XKR7: variants seen among roughly 807,000 people sequenced by gnomAD.
XKR7 encodes XK-related protein 7.
Under a neutral mutation model 42.2 loss-of-function variants are expected in XKR7, and 11 were observed. The observed-to-expected ratio is 0.26, with a 90% CI of 0.16 to 0.43. The LOEUF (loss-of-function observed/expected upper bound fraction) is 0.43, where lower values mean the gene tolerates loss of function less well. Ranked by LOEUF, XKR7 falls within the 20% of genes least tolerant of loss-of-function variation. XKR7 has a pLI of 1.00. For missense variants in XKR7, 710 were observed against 802.2 expected (o/e 0.89, Z 1.39); for synonymous variants, 346 against 366.4 (o/e 0.94, Z 0.64).
chr20:31,995,040 G>A lies in XKR7; in HGVS notation c.585-28G>A, dbSNP rs1261454272. Reference sequence around the variant, plus strand: ...CAGAGCGAGAGGAACCAGCGCGCGGGAGCCTGAGCACCGCGTCCTTCCCGC... The same window carrying A: ...CAGAGCGAGAGGAACCAGCGCGCGGAAGCCTGAGCACCGCGTCCTTCCCGC... On this transcript the variant is annotated intron_variant, in intron 1 of 2. Transcript: ENST00000562532. This position sits in a 1 kb window ranked among gnomAD's most constrained non-coding sequence, Gnocchi z 4.1. The A allele has an allele frequency of 1.9e-6, 3 of 1,539,712 alleles. No homozygotes were observed. The highest frequency in any genetic ancestry group is 2.6e-6 in the Non-Finnish European group (3 of 1,145,224).
At chr20:31,989,501 C>T (rs2064559492) in intron 1 of XKR7, among the ~76,000 whole-genome samples, 1 of 143,408 alleles carries the variant, frequency 7.0e-6, no homozygotes, top group Non-Finnish European at 1.5e-5. Flanking sequence ...GGAGAATGGA[C>T]TGTAGGGAGG....
intron 1 of XKR7, among the ~76,000 whole-genome samples, chr20:31,975,271 TC>T (rs920804055): frequency 2.6e-5 from 4 of 151,622 alleles, no homozygotes; most frequent in African/African-American, 9.7e-5. Context: ...GAGCGATGGC[TC>T]CCCTATGTCC....
rs1176387133 is a variant in XKR7 at position 32,000,779 on chromosome 20, A to C, written c.*3322A>C. On this transcript the variant is annotated 3_prime_UTR_variant, in exon 3 of 3. Transcript: ENST00000562532. ...CCCCAAACCTCTGCAGGCACCACACACACCCACATCACGGCGCCTCCTGGC... is the reference window on the plus strand; with the variant it reads ...CCCCAAACCTCTGCAGGCACCACACCCACCCACATCACGGCGCCTCCTGGC... The C allele has an allele frequency of 6.6e-6, 1 of 152,576 alleles. No individual in the cohort carries two copies. Among genetic ancestry groups the C allele is most frequent in the Non-Finnish European group, 1.5e-5 (1 of 68,346 alleles). 9.5% of individuals were successfully genotyped at this position (152,576 alleles called of 1,614,324 possible). A position where few individuals can be genotyped will look rare whatever the true frequency, so the allele number is the denominator to read the frequency against.
chr20:31,995,366 C>T lies in XKR7; in HGVS notation c.787+96C>T. On this transcript the variant is annotated intron_variant, in intron 2 of 2. Coordinates refer to ENST00000562532, the MANE Select transcript of XKR7 (RefSeq NM_001011718.2). This position sits in a 1 kb window ranked among gnomAD's most constrained non-coding sequence, Gnocchi z 4.1. The stretch of plus-strand genomic sequence containing the variant: ...TGGGGATGCCCTGTGGGCTTCCCCA[C>T]CCCAGCTCAGGGCTCACTCAGTCAG... 6.6e-7 allele frequency: 1 copy of T among 1,509,900 alleles called. No individual in the cohort carries two copies. Among genetic ancestry groups the T allele is most frequent in the Non-Finnish European group, 8.8e-7 (1 of 1,135,194 alleles). The allele number at this position is 1,509,900 out of a possible 1,614,324, so 93.5% of individuals were successfully genotyped here. A position where few individuals can be genotyped will look rare whatever the true frequency, so the allele number is the denominator to read the frequency against.
chr20:31,974,658 T>A (rs1168400085), intron 1 of XKR7, among the ~76,000 whole-genome samples: 1 of 152,222 alleles, frequency 6.6e-6, no homozygotes, highest in African/African-American at 2.4e-5. Flanking sequence ...AGGTCAGGGG[T>A]TGGATTCCAT....
Position 31,968,155 on chromosome 20 carries a change from C to CCCG in XKR7, c.-18_-16dup, listed in dbSNP as rs1208349634. On this transcript the variant is annotated 5_prime_UTR_variant, in exon 1 of 3. Coordinates refer to ENST00000562532, the MANE Select transcript of XKR7 (RefSeq NM_001011718.2). The surrounding 1 kb of genome is among the most constrained non-coding windows in gnomAD (Gnocchi z 4.5). ...CCCCTCCGCCGCCCGGAAGTCGCTC[C>CCCG]CCGCCTCCCTCTCCGCCAACATGGC... 1 of 1,170,936 alleles carries CCCG rather than the reference C, an allele frequency of 8.5e-7. No individual in the cohort carries two copies. The highest frequency in any genetic ancestry group is 1.1e-6 in the Non-Finnish European group (1 of 948,178). The allele number at this position is 1,170,936 out of a possible 1,614,324, so 72.5% of individuals were successfully genotyped here.
chr20:31,980,337 G>A lies in XKR7; in HGVS notation c.584+11578G>A, dbSNP rs201869103. Among the ~76,000 whole-genome samples, 27 of 152,314 alleles carry A rather than the reference G, an allele frequency of 1.8e-4. No homozygotes were observed. The East Asian group carries it at 3.1e-3, about 17-fold the overall frequency. ...TTCTTGCAGGAGCACTCAACGTTAAGGGGTAGGCAGATGGGGAGGGGGCCT... is the reference window on the plus strand; with the variant it reads ...TTCTTGCAGGAGCACTCAACGTTAAAGGGTAGGCAGATGGGGAGGGGGCCT... On this transcript the variant is annotated intron_variant, in intron 1 of 2. Coordinates refer to ENST00000562532, the MANE Select transcript of XKR7 (RefSeq NM_001011718.2).
chr20:31,971,466 A>G (rs2064465403), intron 1 of XKR7, among the ~76,000 whole-genome samples: 1 of 152,208 alleles, frequency 6.6e-6, no homozygotes, highest in African/African-American at 2.4e-5. Flanking sequence ...AAGGGCCTGG[A>G]TAAATGGAGG....
chr20:31,977,972 T>A (rs2064493229), intron 1 of XKR7, among the ~76,000 whole-genome samples: 1 of 152,190 alleles, frequency 6.6e-6, no homozygotes, highest in Non-Finnish European at 1.5e-5. Flanking sequence ...AGCTCTATCC[T>A]TGGGACTTTA....
chr20:31,987,095 A>G (rs1253141152), intron 1 of XKR7, among the ~76,000 whole-genome samples: 1 of 150,368 alleles, frequency 6.7e-6, no homozygotes, highest in African/African-American at 2.5e-5. Context: ...GCACAGACAG[A>G]CCACCAAGTA....
At position 31,997,640 on chromosome 20, in the gene XKR7, G is replaced by A. The variant is rs1344726438; in HGVS notation, c.*183G>A. ...AGCCTTGCGGAGGCCCCAGCCCTGG[G>A]CCCCGTTTTCAGCCTTGTGGCCCAT... On this transcript the variant is annotated 3_prime_UTR_variant, in exon 3 of 3. Transcript: ENST00000562532. 2.6e-5 allele frequency: 16 copies of A among 615,164 alleles called. No homozygotes were observed. Among genetic ancestry groups the A allele is most frequent in the South Asian group, 4.4e-5 (2 of 45,864 alleles). The allele number at this position is 615,164 out of a possible 1,614,324, so 38.1% of individuals were successfully genotyped here.
chr20:31,982,744 A>C (rs1432280701), intron 1 of XKR7, among the ~76,000 whole-genome samples: 1 of 152,170 alleles, frequency 6.6e-6, no homozygotes, highest in Non-Finnish European at 1.5e-5. Context: ...ACCTGTCCCA[A>C]AGGTGCTTTC....
At chr20:31,973,754 G>A (rs895562347) in intron 1 of XKR7, among the ~76,000 whole-genome samples, 3 of 152,214 alleles carry the variant, frequency 2.0e-5, no homozygotes, top group African/African-American at 7.2e-5. Flanking sequence ...GATTGGCAGG[G>A]GCGAGGTCAT....
rs6061073 is a variant in XKR7, at chr20:31,987,538, C to T, written c.585-7530C>T. On this transcript the variant is annotated intron_variant, in intron 1 of 2. Transcript: ENST00000562532. The stretch of plus-strand genomic sequence containing the variant: ...CAGACAGACAGACCACCAAACAGAC[C>T]CAGCATCCAAGACACAGACAGACAG... 3.3e-3 allele frequency among the ~76,000 whole-genome samples: 505 copies of T among 151,478 alleles called. 3 individuals are homozygous for T. Among genetic ancestry groups the T allele is most frequent in the African/African-American group, 0.012 (490 of 41,052 alleles).
chr20:31,994,142 G>T lies in XKR7; in HGVS notation c.585-926G>T, dbSNP rs144917068. Among the ~76,000 whole-genome samples the T allele has an allele frequency of 2.6e-5, 4 of 152,256 alleles. No homozygotes were observed. The East Asian group carries it at 7.7e-4, about 29-fold the overall frequency. On this transcript the variant is annotated intron_variant, in intron 1 of 2. Transcript: ENST00000562532. ...TGAGAGCTGGGCACTGAGCTGTGAG[G>T]ATCTCACCTCATCTGGGCACTGAGA...
At position 31,995,370 on chromosome 20, in the gene XKR7, A is replaced by G; in HGVS notation, c.787+100A>G. ...GATGCCCTGTGGGCTTCCCCACCCC[A>G]GCTCAGGGCTCACTCAGTCAGGGTT... On this transcript the variant is annotated intron_variant, in intron 2 of 2. Coordinates refer to ENST00000562532, the MANE Select transcript of XKR7 (RefSeq NM_001011718.2). The surrounding 1 kb of genome is among the most constrained non-coding windows in gnomAD (Gnocchi z 4.1). The G allele has an allele frequency of 6.6e-7, 1 of 1,507,702 alleles. No homozygotes were observed. The highest frequency in any genetic ancestry group is 8.8e-7 in the Non-Finnish European group (1 of 1,136,472). The allele number at this position is 1,507,702 out of a possible 1,614,324, so 93.4% of individuals were successfully genotyped here.
intron 1 of XKR7, among the ~76,000 whole-genome samples, chr20:31,984,081 G>C (rs1459897067): frequency 6.6e-6 from 1 of 151,846 alleles, no homozygotes; most frequent in Non-Finnish European, 1.5e-5. Flanking sequence ...GACCAACATG[G>C]TGAAACCCTG....
At chr20:31,972,780 C>T (rs2064470436) in intron 1 of XKR7, among the ~76,000 whole-genome samples, 1 of 152,166 alleles carries the variant, frequency 6.6e-6, no homozygotes, top group South Asian at 2.1e-4. Context: ...CTCTAATGCC[C>T]TCTCTATGCA....
chr20:31,992,497 C>T (rs2064574385), intron 1 of XKR7, among the ~76,000 whole-genome samples: 1 of 152,002 alleles, frequency 6.6e-6, no homozygotes, highest in Admixed American at 6.6e-5. Flanking sequence ...GGTCCCTGTC[C>T]TGGGCAGCGT....
Sources: allele counts gnomAD v4.1 joint callset (sites outside exome capture counted in the v4.1 genomes callset), GRCh38; gene constraint gnomAD v4.1.1; non-coding constraint Gnocchi (gnomAD v3.1); transcripts MANE v1.5; gene names NCBI Gene and HGNC (gene_info 2026-07-23, HGNC 2026-07-21).